Variants in MYT1L observed in about 807,000 individuals in gnomAD.
The protein encoded by MYT1L is myelin transcription factor 1-like protein.
MYT1L carries 12 observed loss-of-function variants against 126.7 expected under a neutral mutation model. The ratio of observed to expected loss-of-function variants is 0.09; its 90% CI spans 0.06 to 0.15. The LOEUF (loss-of-function observed/expected upper bound fraction) is 0.15. MYT1L is among the 10% of genes least tolerant of loss of function. MYT1L has a pLI of 1.00. For synonymous variants in MYT1L, 541 were observed against 604.2 expected, an observed-to-expected ratio of 0.90 and a Z score of 1.53; for missense variants, 979 against 1,585.2, an observed-to-expected ratio of 0.62 and a Z score of 6.49.
intron 3 of MYT1L, among the ~76,000 whole-genome samples, chr2:2,143,952 G>A (rs917354358): frequency 6.9e-6 from 1 of 145,460 alleles, no homozygotes; most frequent in African/African-American, 2.5e-5. Context: ...TAGACGCTGG[G>A]GACTATTAGA....
intron 19 of MYT1L, among the ~76,000 whole-genome samples, chr2:1,843,427 G>T: frequency 6.6e-6 from 1 of 151,746 alleles, no homozygotes; most frequent in East Asian, 1.9e-4. Context: ...AGTTACTACG[G>T]TATCCTACCC....
At chr2:1,947,262 C>A (rs1028949996) in intron 8 of MYT1L, among the ~76,000 whole-genome samples, 1 of 152,216 alleles carries the variant, frequency 6.6e-6, no homozygotes, top group Non-Finnish European at 1.5e-5. Flanking sequence ...CAGCCGCCCT[C>A]CTTTTCAAGA....
At chr2:1,936,584 T>C (rs1391422955) in intron 9 of MYT1L, among the ~76,000 whole-genome samples, 1 of 152,224 alleles carries the variant, frequency 6.6e-6, no homozygotes, top group African/African-American at 2.4e-5. Context: ...ATACCAAACA[T>C]ATGATCTTTG....
chr2:2,303,321 G>A (rs1433476438), intron 1 of MYT1L, among the ~76,000 whole-genome samples: 3 of 152,092 alleles, frequency 2.0e-5, no homozygotes, highest in Non-Finnish European at 4.4e-5. Context: ...CTTCCGCGGG[G>A]GCACCTTTAC....
rs1044004678 is a variant in MYT1L, at chr2:2,133,281, A to G, written c.-304+39591T>C. 1.2e-4 allele frequency among the ~76,000 whole-genome samples: 19 copies of G among 152,204 alleles called. 1 individual carries two copies. Among genetic ancestry groups the G allele is most frequent in the African/African-American group, 4.3e-4 (18 of 41,452 alleles). On this transcript the variant is annotated intron_variant, in intron 3 of 24. Transcript: ENST00000647738. ...CTCCTCCTACATACAGTTAGTGTCA[A>G]TCAAGCGCAACTTCTCCCAACATTT...
chr2:2,086,780 T>G (rs1435737523), intron 3 of MYT1L, among the ~76,000 whole-genome samples: 1 of 152,110 alleles, frequency 6.6e-6, no homozygotes, highest in Non-Finnish European at 1.5e-5. Context: ...CTTAGGAAGA[T>G]TCTCTCCTTA....
At chr2:1,831,344 T>G (rs1451562920) in intron 21 of MYT1L, among the ~76,000 whole-genome samples, 1 of 152,180 alleles carries the variant, frequency 6.6e-6, no homozygotes, top group Non-Finnish European at 1.5e-5. Context: ...CCTGCTGCCT[T>G]CTGTATCTTT....
At chr2:1,864,453 T>G (rs1250972446) in intron 18 of MYT1L, among the ~76,000 whole-genome samples, 1 of 152,184 alleles carries the variant, frequency 6.6e-6, no homozygotes, top group Non-Finnish European at 1.5e-5. Flanking sequence ...TGTGCCGACT[T>G]CGTGTCTGCA....
intron 4 of MYT1L, among the ~76,000 whole-genome samples, chr2:2,048,740 C>T (rs908586133): frequency 1.3e-5 from 2 of 152,166 alleles, no homozygotes; most frequent in African/African-American, 4.8e-5. Flanking sequence ...ACCACATATC[C>T]TATTTTCCAA....
chr2:2,068,766 C>CTT (rs1370285207), intron 3 of MYT1L, among the ~76,000 whole-genome samples: 8 of 5,850 alleles, frequency 1.4e-3, no homozygotes, highest in Admixed American at 5.6e-3. Context: ...CTGTGTTCTT[C>CTT]TTGTTTTTTT....
intron 4 of MYT1L, among the ~76,000 whole-genome samples, chr2:1,998,670 A>T (rs2062087032): frequency 6.6e-6 from 1 of 152,234 alleles, no homozygotes; most frequent in Admixed American, 6.5e-5. Flanking sequence ...GAAAGGAATT[A>T]GACCAGATTG....
intron 18 of MYT1L, among the ~76,000 whole-genome samples, chr2:1,876,485 C>T (rs956807670): frequency 2.1e-5 from 3 of 145,666 alleles, no homozygotes; most frequent in Non-Finnish European, 1.6e-5. Flanking sequence ...GGGACCCTGA[C>T]CCCCCCGTCC....
chr2:2,148,090 T>A (rs2085164975), intron 3 of MYT1L, among the ~76,000 whole-genome samples: 1 of 152,152 alleles, frequency 6.6e-6, no homozygotes, highest in Admixed American at 6.5e-5. Flanking sequence ...CCTCTCATCC[T>A]CCAGGGCTCA....
intron 2 of MYT1L, among the ~76,000 whole-genome samples, chr2:2,197,208 G>GA (rs907553023): frequency 2.2e-4 from 33 of 152,184 alleles, no homozygotes; most frequent in African/African-American, 7.7e-4. Context: ...TGTTTTAGAG[G>GA]AAACAGGTCA....
At chr2:2,276,072 A>G (rs2095354035) in intron 2 of MYT1L, among the ~76,000 whole-genome samples, 1 of 152,178 alleles carries the variant, frequency 6.6e-6, no homozygotes, top group Non-Finnish European at 1.5e-5. Flanking sequence ...GTGAGCATTC[A>G]GAGCTCTGTG....
At chr2:2,004,763 A>C (rs201728072) in intron 4 of MYT1L, among the ~76,000 whole-genome samples, 1,901 of 42,160 alleles carry the variant, frequency 0.045, 23 homozygotes, top group African/African-American at 0.24. Context: ...TTCTTTCCTG[A>C]ATACGTTCTT....
At chr2:2,061,834 C>G (rs1478218571) in intron 3 of MYT1L, among the ~76,000 whole-genome samples, 2 of 152,146 alleles carry the variant, frequency 1.3e-5, no homozygotes, top group African/African-American at 4.8e-5. Flanking sequence ...TCTCATCAAC[C>G]TCATACACAC....
chr2:2,184,348 G>A (rs2091895180), intron 2 of MYT1L, among the ~76,000 whole-genome samples: 1 of 152,206 alleles, frequency 6.6e-6, no homozygotes, highest in Non-Finnish European at 1.5e-5. Context: ...GTTCGTCCCT[G>A]TAGATTCCAC....
At chr2:2,244,369 T>C (rs2094493653) in intron 2 of MYT1L, among the ~76,000 whole-genome samples, 1 of 152,156 alleles carries the variant, frequency 6.6e-6, no homozygotes, top group Non-Finnish European at 1.5e-5. Flanking sequence ...AAAATAATAA[T>C]CTCATAAATA....
Sources: gnomAD v4.1 joint callset for allele counts (sites outside exome capture counted in the v4.1 genomes callset) on GRCh38, gnomAD v4.1.1 for gene constraint, MANE v1.5 for transcripts, NCBI Gene and HGNC (gene_info 2026-07-23, HGNC 2026-07-21) for gene names.